Variants in RSRP1 observed in about 807,000 individuals in gnomAD.
The protein encoded by RSRP1 is arginine/serine-rich protein 1.
A neutral mutation model predicts 33.0 loss-of-function variants in RSRP1; 37 were observed. The ratio of observed to expected loss-of-function variants is 1.12; its 90% CI spans 0.86 to 1.48. The LOEUF is 1.48. RSRP1 is among the 40% of genes most tolerant of loss of function. The pLI is 0.00. For missense variants in RSRP1, 402 were observed against 385.3 expected (o/e 1.04, Z -0.36); for synonymous variants, 167 against 158.7 (o/e 1.05, Z -0.40).
In RSRP1 at chr1:25,280,250, A is replaced by G. The variant is rs1286285017; in HGVS notation, c.-66-33221T>C. Among the ~76,000 whole-genome samples the G allele has an allele frequency of 1.6e-5, 2 of 127,192 alleles. 1 individual carries two copies. Among genetic ancestry groups the G allele is most frequent in the Non-Finnish European group, 3.7e-5 (2 of 54,498 alleles). The allele number at this position is 127,192 out of a possible 152,430, so 83.4% of individuals were successfully genotyped here. A position where few individuals can be genotyped will look rare whatever the true frequency, so the allele number is the denominator to read the frequency against. ...TACCTGGAATCAGGGAATCGGGATC[A>G]GGGGCAGCAGCTGTGCCCAATAAAG... On this transcript the variant is annotated intron_variant, in intron 1 of 1. Transcript: ENST00000561867.
At chr1:25,263,442 C>T (rs957423212) in intron 1 of RSRP1, among the ~76,000 whole-genome samples, 16 of 151,844 alleles carry the variant, frequency 1.1e-4, no homozygotes, top group Non-Finnish European at 2.1e-4. Context: ...GAGCAAGTCA[C>T]GTCTTACGTG....
chr1:25,331,564 ATTTTTTT>A (rs71014354), intron 1 of RSRP1, among the ~76,000 whole-genome samples: 1,067 of 74,348 alleles, frequency 0.014, 96 homozygotes, highest in African/African-American at 0.043. Flanking sequence ...GAAAAATGTG[ATTTTTTT>A]TTTTTTTTTT....
intron 1 of RSRP1, among the ~76,000 whole-genome samples, chr1:25,331,592 G>C (rs1220447658): frequency 1.2e-5 from 1 of 85,590 alleles, no homozygotes. Flanking sequence ...TTTTGAGACA[G>C]AGTCTTGCTC....
intron 1 of RSRP1, among the ~76,000 whole-genome samples, chr1:25,269,835 T>G (rs1042948758): frequency 7.5e-6 from 1 of 132,794 alleles, no homozygotes; most frequent in Non-Finnish European, 1.8e-5. Flanking sequence ...AGTCAGTCCC[T>G]GCTGCTTCCT....
At position 25,331,791 on chromosome 1, in the gene RSRP1, G is replaced by A. The variant is rs1190012167; in HGVS notation, c.-67+6187C>T. The stretch of plus-strand genomic sequence containing the variant: ...GTCTCGCTCTGTTACCCAGGCTGGA[G>A]TGCAGTGGCGCGATCTCGGCTCACT... On this transcript the variant is annotated intron_variant, in intron 1 of 1. Coordinates refer to the RSRP1 transcript ENST00000561867. 4.7e-4 allele frequency among the ~76,000 whole-genome samples: 51 copies of A among 108,774 alleles called. 4 individuals are homozygous for A. The highest frequency in any genetic ancestry group is 1.9e-4 in the Non-Finnish European group (9 of 47,722). The allele number at this position is 108,774 out of a possible 152,430, so 71.4% of individuals were successfully genotyped here.
At chr1:25,256,789 C>T (rs1639963769) in intron 1 of RSRP1, among the ~76,000 whole-genome samples, 1 of 152,100 alleles carries the variant, frequency 6.6e-6, no homozygotes, top group African/African-American at 2.4e-5. Context: ...TCACAGGAGG[C>T]CCTCACGTGC....
At chr1:25,307,637 T>C in intron 1 of RSRP1, 1 of 1,135,338 alleles carries the variant, frequency 8.8e-7, no homozygotes, top group Admixed American at 2.1e-5. Context: ...AGAGAAGTTA[T>C]CTGCCCAAGG....
At position 25,245,266 on chromosome 1, in the gene RSRP1, CA is replaced by C; in HGVS notation, c.555del (p.Asn185LysfsTer6). Reference protein sequence around the residue: ...RMELLEIAKTNAAKALGTTNI... With the variant: ...RMELLEIAKTXAAKALGTTNI... Reference sequence around the variant, plus strand: ...TTGGTTGTTCCTAGAGCTTTCGCTGCATTGGTTTTTGCTATTTCTAACAGCT... The same window carrying C: ...TTGGTTGTTCCTAGAGCTTTCGCTGCTTGGTTTTTGCTATTTCTAACAGCT... On this transcript the variant is annotated frameshift_variant, in exon 3 of 5. Coordinates refer to ENST00000243189, the MANE Select transcript of RSRP1 (RefSeq NM_020317.5). LOFTEE classifies it high-confidence loss of function. 4 of 1,613,728 alleles carry C rather than the reference CA, an allele frequency of 2.5e-6. No individual in the cohort carries two copies. Among genetic ancestry groups the C allele is most frequent in the Non-Finnish European group, 3.4e-6 (4 of 1,179,960 alleles).
chr1:25,330,561 T>C lies in RSRP1; in HGVS notation c.-67+7417A>G, dbSNP rs1191343928. 5.6e-5 allele frequency: 7 copies of C among 125,214 alleles called. 2 individuals are homozygous for C. Among genetic ancestry groups the C allele is most frequent in the Non-Finnish European group, 1.3e-4 (7 of 52,232 alleles). The allele number at this position is 125,214 out of a possible 1,614,324, so 7.8% of individuals were successfully genotyped here. A position where few individuals can be genotyped will look rare whatever the true frequency, so the allele number is the denominator to read the frequency against. ...GCACAAAAGAGAACCAATCTATCAA[T>C]TACAAACTCACATAATTTTACAGAT... On this transcript the variant is annotated intron_variant, in intron 1 of 1. Transcript: ENST00000561867.
intron 1 of RSRP1, among the ~76,000 whole-genome samples, chr1:25,311,544 A>C (rs1644149869): frequency 7.6e-6 from 1 of 131,160 alleles, no homozygotes. Context: ...AAAAAAAGGA[A>C]GAAAGAAAAT....
rs973920382 is a variant in RSRP1 at position 25,302,997 on chromosome 1, C to T, written c.-67+34981G>A. Among the ~76,000 whole-genome samples, 5 of 130,296 alleles carry T rather than the reference C, an allele frequency of 3.8e-5. 1 individual carries two copies. Among genetic ancestry groups the T allele is most frequent in the Non-Finnish European group, 7.3e-5 (4 of 55,152 alleles). 85.5% of individuals were successfully genotyped at this position (130,296 alleles called of 152,430 possible). ...TGTCTCTAAAAAATAAAACAAAAACCCATTCTTCCCGCTGCCCAGGGACAC... is the reference window on the plus strand; with the variant it reads ...TGTCTCTAAAAAATAAAACAAAAACTCATTCTTCCCGCTGCCCAGGGACAC... On this transcript the variant is annotated intron_variant, in intron 1 of 1. Transcript: ENST00000561867.
chr1:25,289,856 A>G (rs559332315), intron 1 of RSRP1, among the ~76,000 whole-genome samples: 2 of 129,210 alleles, frequency 1.5e-5, no homozygotes, highest in African/African-American at 5.4e-5. Context: ...AGTATCTTCA[A>G]GACCAAAATA....
rs1163023162 is a variant in RSRP1 at position 25,305,139 on chromosome 1, C to CG, written c.-67+32838dup. ...GAAATGCTTCCTGGAGCAGAGGAAA[C>CG]GGTTGACAGCCAAGTGTTGACAGAG... On this transcript the variant is annotated intron_variant, in intron 1 of 1. Transcript: ENST00000561867. Among the ~76,000 whole-genome samples, 2 of 131,596 alleles carry CG rather than the reference C, an allele frequency of 1.5e-5. 1 individual carries two copies. The highest frequency in any genetic ancestry group is 5.2e-5 in the African/African-American group (2 of 38,150). 86.3% of individuals were successfully genotyped at this position (131,596 alleles called of 152,430 possible). A position where few individuals can be genotyped will look rare whatever the true frequency, so the allele number is the denominator to read the frequency against.
intron 3 of RSRP1, chr1:25,244,576 T>A: frequency 3.1e-6 from 4 of 1,286,096 alleles, no homozygotes; most frequent in Non-Finnish European, 4.1e-6. Context: ...ATGCTGCAAA[T>A]GAAAGCTACA....
chr1:25,287,498 G>T (rs975836275), intron 1 of RSRP1, among the ~76,000 whole-genome samples: 7 of 135,092 alleles, frequency 5.2e-5, no homozygotes, highest in African/African-American at 1.5e-4. Flanking sequence ...GTGCTGATGG[G>T]TGGTGCCCAG....
chr1:25,251,392 C>T (rs564963341), upstream of RSRP1, among the ~76,000 whole-genome samples: 264 of 151,316 alleles, frequency 1.7e-3, 2 homozygotes, highest in African/African-American at 6.1e-3. Context: ...TTTTTTGAGA[C>T]GGAGTTTCAC....
At chr1:25,257,142 A>C (rs1396828017) in intron 1 of RSRP1, among the ~76,000 whole-genome samples, 2 of 152,190 alleles carry the variant, frequency 1.3e-5, no homozygotes, top group East Asian at 3.8e-4. Flanking sequence ...CCTTCCAAAA[A>C]AGGTTGTCAC....
In RSRP1 at chr1:25,332,236, C is replaced by G. The variant is rs1366380292; in HGVS notation, c.-67+5742G>C. ...ATTTTTAGTAGAAATGGGGTTTCAC[C>G]ATGTTGGCCAGGATGGTCCCGAACT... is the stretch of plus-strand genomic sequence containing the variant. On this transcript the variant is annotated intron_variant, in intron 1 of 1. Transcript: ENST00000561867. 1.6e-5 allele frequency among the ~76,000 whole-genome samples: 2 copies of G among 128,342 alleles called. 1 individual carries two copies. The highest frequency in any genetic ancestry group is 3.9e-4 in the East Asian group (2 of 5,110). 84.2% of individuals were successfully genotyped at this position (128,342 alleles called of 152,430 possible).
rs1336984241 is a variant in RSRP1 at position 25,244,921 on chromosome 1, C to G, written c.672+229G>C. On this transcript the variant is annotated intron_variant, in intron 3 of 4. Transcript: ENST00000243189. ...CTAGTCTTGAACTCCTGGACTCAAG[C>G]CATCTGCCTCATTACAGGCATGAGG... 2.9e-6 allele frequency: 4 copies of G among 1,372,582 alleles called. No individual in the cohort carries two copies. In the East Asian group the frequency reaches 1.1e-4, roughly 39 times the overall value. 85.0% of individuals were successfully genotyped at this position (1,372,582 alleles called of 1,614,324 possible). A position where few individuals can be genotyped will look rare whatever the true frequency, so the allele number is the denominator to read the frequency against.
Sources: gnomAD v4.1 joint callset for allele counts (sites outside exome capture counted in the v4.1 genomes callset) on GRCh38, gnomAD v4.1.1 for gene constraint, MANE v1.5 for transcripts, NCBI Gene and HGNC (gene_info 2026-07-23, HGNC 2026-07-21) for gene names.